Variants in PHLDB2 observed in about 807,000 individuals in gnomAD.
The protein encoded by PHLDB2 is pleckstrin homology-like domain family B member 2.
A neutral mutation model predicts 123.6 loss-of-function variants in PHLDB2; 71 were observed. The observed-to-expected ratio is 0.57, with a 90% CI of 0.47 to 0.70. The LOEUF (loss-of-function observed/expected upper bound fraction) is 0.70, where lower values mean the gene tolerates loss of function less well. Among genes scored for constraint, PHLDB2 ranks in the 30% least tolerant of loss-of-function variants. The pLI is 0.00. For missense variants in PHLDB2, 1,446 were observed against 1,519.5 expected (o/e 0.95, Z 0.80); for synonymous variants, 547 against 541.6 (o/e 1.01, Z -0.14).
chr3:111,840,916 T>C (rs1392356881), intron 1 of PHLDB2, among the ~76,000 whole-genome samples: 1 of 152,210 alleles, frequency 6.6e-6, no homozygotes, highest in East Asian at 1.9e-4. Context: ...AAGACATATG[T>C]GGACAGATGT....
intron 1 of PHLDB2, among the ~76,000 whole-genome samples, chr3:111,870,601 A>G (rs1197858463): frequency 1.3e-5 from 2 of 152,112 alleles, no homozygotes; most frequent in African/African-American, 4.8e-5. Context: ...GTTGTCCACT[A>G]TAAAGCTTGG....
upstream of PHLDB2, among the ~76,000 whole-genome samples, chr3:111,855,940 C>G (rs1363890041): frequency 6.6e-6 from 1 of 152,104 alleles, no homozygotes; most frequent in Non-Finnish European, 1.5e-5. Context: ...CTGAATTTAT[C>G]TAATTTAAGA....
chr3:111,922,040 C>T (rs902385930), intron 5 of PHLDB2, among the ~76,000 whole-genome samples: 1 of 152,124 alleles, frequency 6.6e-6, no homozygotes, highest in African/African-American at 2.4e-5. Context: ...TGCAAGAAGC[C>T]TTCATTGGAG....
Position 111,884,586 on chromosome 3 carries a change from G to A in PHLDB2, c.509G>A (p.Arg170Gln), listed in dbSNP as rs546014587. 1.6e-5 allele frequency: 26 copies of A among 1,614,130 alleles called. No individual in the cohort carries two copies. The East Asian group carries it at 1.8e-4, about 11-fold the overall frequency. Reference protein sequence around the residue: ...NVYSLGGLEGRKASGSLLAMW... With the variant: ...NVYSLGGLEGQKASGSLLAMW... ...TACTCTCTTGGAGGGCTGGAAGGTC[G>A]GAAGGCATCTGGCTCGCTCCTGGCC... is the stretch of plus-strand genomic sequence containing the variant. The change falls in exon 2 of 18, where the codon CGG becomes CAG. Residue 170 changes from arginine (R) to glutamine (Q), a missense_variant. Physicochemically the swap from Arg to Gln is conservative, Grantham distance 43. Transcript: ENST00000431670.
At chr3:111,757,720 T>A (rs2059919540) in intron 1 of PHLDB2, among the ~76,000 whole-genome samples, 1 of 152,204 alleles carries the variant, frequency 6.6e-6, no homozygotes, top group Non-Finnish European at 1.5e-5. Context: ...ACTTTTTGTC[T>A]TCGATGTTGG....
At chr3:111,769,880 G>C (rs954979594) in intron 1 of PHLDB2, among the ~76,000 whole-genome samples, 1 of 152,188 alleles carries the variant, frequency 6.6e-6, no homozygotes, top group African/African-American at 2.4e-5. Flanking sequence ...TAAGAATGCT[G>C]CTGGGTTAAA....
intron 13 of PHLDB2, among the ~76,000 whole-genome samples, chr3:111,965,221 C>T (rs936963788): frequency 6.6e-6 from 1 of 152,186 alleles, no homozygotes; most frequent in African/African-American, 2.4e-5. Flanking sequence ...GAAGATACTG[C>T]CATGTTCTTC....
chr3:111,876,299 G>A (rs1263315236), intron 1 of PHLDB2, among the ~76,000 whole-genome samples: 1 of 152,118 alleles, frequency 6.6e-6, no homozygotes, highest in African/African-American at 2.4e-5. Flanking sequence ...GTGTGGTTGG[G>A]TGTATGTACA....
intron 1 of PHLDB2, among the ~76,000 whole-genome samples, chr3:111,839,006 T>C (rs2108537607): frequency 6.6e-6 from 1 of 152,304 alleles, no homozygotes; most frequent in Admixed American, 6.5e-5. Flanking sequence ...AAAAATAAGA[T>C]AAAAGTATAG....
chr3:111,758,955 G>C (rs2059948910), intron 1 of PHLDB2, among the ~76,000 whole-genome samples: 1 of 152,044 alleles, frequency 6.6e-6, no homozygotes, highest in South Asian at 2.1e-4. Flanking sequence ...ATCAATATGG[G>C]GCCCAGGCCA....
intron 6 of PHLDB2, among the ~76,000 whole-genome samples, chr3:111,936,393 A>G (rs2069493769): frequency 6.6e-6 from 1 of 152,162 alleles, no homozygotes; most frequent in Non-Finnish European, 1.5e-5. Context: ...CAATTAAACT[A>G]TTCCTTCCCC....
chr3:111,958,626 C>T, intron 12 of PHLDB2: 1 of 438,188 alleles, frequency 2.3e-6, no homozygotes, highest in South Asian at 1.7e-5. Context: ...TGATTAGAAA[C>T]AAGCCTCAAT....
chr3:111,943,044 C>T (rs750145433), intron 8 of PHLDB2, among the ~76,000 whole-genome samples: 15 of 151,840 alleles, frequency 9.9e-5, no homozygotes, highest in Non-Finnish European at 1.9e-4. Flanking sequence ...TAGTTACCAC[C>T]AATAATCAAC....
At chr3:111,890,671 A>G (rs971971693) in intron 2 of PHLDB2, among the ~76,000 whole-genome samples, 1 of 152,054 alleles carries the variant, frequency 6.6e-6, no homozygotes, top group African/African-American at 2.4e-5. Context: ...ATTTTTTTTA[A>G]TGTGTTCAAT....
chr3:111,925,796 T>C (rs190784120), intron 5 of PHLDB2, among the ~76,000 whole-genome samples: 115 of 152,370 alleles, frequency 7.5e-4, no homozygotes, highest in Middle Eastern at 3.4e-3. Context: ...GATGTGTGCA[T>C]CTGTTTGCGT....
intron 1 of PHLDB2, among the ~76,000 whole-genome samples, chr3:111,789,009 G>A (rs1276880599): frequency 1.3e-5 from 2 of 152,100 alleles, no homozygotes; most frequent in Non-Finnish European, 2.9e-5. Flanking sequence ...AACGATGAGC[G>A]CTATATTATG....
Position 111,859,341 on chromosome 3 carries a change from G to T in PHLDB2, c.-250G>T. 6.1e-6 allele frequency: 6 copies of T among 985,586 alleles called. No homozygotes were observed. The highest frequency in any genetic ancestry group is 7.2e-6 in the Non-Finnish European group (6 of 830,034). The allele number at this position is 985,586 out of a possible 1,614,324, so 61.1% of individuals were successfully genotyped here. ...AAACAGCCATGCCCTTCCAGCAGCC[G>T]TGAAAGCCCCAACAGCAAACTGCCT... On this transcript the variant is annotated 5_prime_UTR_variant, in exon 1 of 18. Coordinates refer to ENST00000431670, the MANE Select transcript of PHLDB2 (RefSeq NM_001134438.2).
chr3:111,760,096 A>G (rs1187062167), intron 1 of PHLDB2, among the ~76,000 whole-genome samples: 1 of 152,240 alleles, frequency 6.6e-6, no homozygotes, highest in Non-Finnish European at 1.5e-5. Context: ...CCACTAGGTC[A>G]GAGTTTAATG....
intron 9 of PHLDB2, among the ~76,000 whole-genome samples, chr3:111,947,030 G>A (rs540837714): frequency 2.6e-5 from 4 of 152,230 alleles, no homozygotes; most frequent in African/African-American, 7.2e-5. Flanking sequence ...GAAGGTGTCC[G>A]GAATCATGCC....
Sources: allele counts gnomAD v4.1 joint callset (sites outside exome capture counted in the v4.1 genomes callset), GRCh38; gene constraint gnomAD v4.1.1; transcripts MANE v1.5; gene names NCBI Gene and HGNC (gene_info 2026-07-23, HGNC 2026-07-21).